Variants in DNAH17 observed in about 807,000 individuals in gnomAD.
DNAH17 encodes axonemal beta dynein heavy chain 17.
Under a neutral mutation model 485.6 loss-of-function variants are expected in DNAH17, and 376 were observed. That is an observed-to-expected ratio of 0.77 (90% CI 0.71 to 0.84). DNAH17 has a LOEUF of 0.84. Among genes scored for constraint, DNAH17 ranks in the 40% least tolerant of loss-of-function variants. DNAH17 has a pLI of 0.00. For missense variants in DNAH17, 6,370 were observed against 5,839.3 expected (o/e 1.09, Z -2.96); for synonymous variants, 3,031 against 2,405.9 (o/e 1.26, Z -7.60).
intron 25 of DNAH17, chr17:78,522,429 G>A (rs2090956828): frequency 3.4e-6 from 1 of 296,402 alleles, no homozygotes. Flanking sequence ...TTGTTTCAGG[G>A]AACAATCTTC....
intron 27 of DNAH17, 133 bp downstream of exon 27, chr17:78,510,251 G>T (rs1268616618): frequency 1.6e-6 from 2 of 1,289,550 alleles, no homozygotes; most frequent in African/African-American, 1.5e-5. Flanking sequence ...TCACAGGTTG[G>T]GTAAGAAAGG....
At position 78,551,616 on chromosome 17, in the gene DNAH17, C is replaced by T. The variant is rs955548844; in HGVS notation, c.2310G>A (p.Glu770=). The part of the protein sequence containing the change: ...NGEGVFQYIQ[E]VREILHNLQN... ...GCAAGTTGTGCAGAATTTCTCGCAC[C>T]TCTTGAATGTACTGAAACACACCTA... Residue 770 remains glutamate (E), a synonymous_variant, in exon 16 of 81, where the codon GAG becomes GAA. Transcript: ENST00000389840. 3.1e-6 allele frequency: 5 copies of T among 1,613,808 alleles called. No homozygotes were observed. Among genetic ancestry groups the T allele is most frequent in the African/African-American group, 1.3e-5 (1 of 74,884 alleles).
At position 78,424,152 on chromosome 17, in the gene DNAH17, C is replaced by T. The variant is rs1352032962; in HGVS notation, c.13143G>A (p.Gly4381=). The change falls in exon 81 of 81, where the codon GGG becomes GGA. Residue 4381 remains glycine, a splice_region_variant and synonymous_variant. Coordinates refer to ENST00000389840, the MANE Select transcript of DNAH17 (RefSeq NM_173628.4). The part of the protein sequence containing the change: ...GSYVYGLFME[G]ARWDTQTGVI... ...CTCCAGTCTGGGTGTCCCAGCGAGC[C>T]CCTGCAGGGACAGTATGGCTGAGGG... 6.2e-7 allele frequency: 1 copy of T among 1,609,530 alleles called. No individual in the cohort carries two copies. Among genetic ancestry groups the T allele is most frequent in the African/African-American group, 1.3e-5 (1 of 74,904 alleles).
chr17:78,545,191 T>C (rs1210522096), intron 16 of DNAH17, among the ~76,000 whole-genome samples: 1 of 152,236 alleles, frequency 6.6e-6, no homozygotes, highest in Non-Finnish European at 1.5e-5. Flanking sequence ...ACGTGAGTAC[T>C]TATAGTTTTT....
chr17:78,476,642 T>C lies in DNAH17; in HGVS notation c.8084A>G (p.Lys2695Arg). Residue 2695 changes from lysine to arginine, a missense_variant, in exon 52 of 81, where the codon AAA becomes AGA. Coordinates refer to ENST00000389840, the MANE Select transcript of DNAH17 (RefSeq NM_173628.4). ...LHETERVYGD[K>R]MVDEKDQETL... Reference sequence around the variant, plus strand: ...TTCCTGGTCTTTTTCGTCAACCATTTTGTCACCATACACTCGTTCAGTCTC... The same window carrying C: ...TTCCTGGTCTTTTTCGTCAACCATTCTGTCACCATACACTCGTTCAGTCTC... 2 of 1,612,510 alleles carry C rather than the reference T, an allele frequency of 1.2e-6. No individual in the cohort carries two copies. The highest frequency in any genetic ancestry group is 1.7e-6 in the Non-Finnish European group (2 of 1,179,286).
intron 44 of DNAH17, among the ~76,000 whole-genome samples, chr17:78,488,900 A>G (rs572270003): frequency 1.4e-4 from 21 of 151,792 alleles, no homozygotes; most frequent in African/African-American, 4.8e-4. Context: ...AGCCCCCAGG[A>G]GCTGGGAGAG....
chr17:78,426,191 G>T (rs189275950), intron 79 of DNAH17, among the ~76,000 whole-genome samples: 2 of 152,210 alleles, frequency 1.3e-5, no homozygotes, highest in African/African-American at 2.4e-5. Flanking sequence ...TATAGAGGAC[G>T]GCTTACCCTT....
rs777727996 is a variant in DNAH17, at chr17:78,423,963, G to A, written c.13332C>T (p.Thr4444=). Reference sequence around the variant, plus strand: ...GGATCCACTTCGCTGCCTTCTCTTTGGTCTTCAAGTTAAAGGTCCAGACAT... The same window carrying A: ...GGATCCACTTCGCTGCCTTCTCTTTAGTCTTCAAGTTAAAGGTCCAGACAT... ...PTYVWTFNLK[T]KEKAAKWILA... Residue 4444 remains threonine, a synonymous_variant, in exon 81 of 81, where the codon ACC becomes ACT. Coordinates refer to ENST00000389840, the MANE Select transcript of DNAH17 (RefSeq NM_173628.4). The A allele has an allele frequency of 1.5e-5, 25 of 1,613,874 alleles. No individual in the cohort carries two copies. The highest frequency in any genetic ancestry group is 6.7e-5 in the East Asian group (3 of 44,902).
At position 78,500,409 on chromosome 17, in the gene DNAH17, C is replaced by CG; in HGVS notation, c.5535_5536insC (p.Ala1846ArgfsTer10). ...GTCTTGCCGGTCCCAGCGGGGCCGG[C>CG]AGGGGCTCCACCCATGATGAGATGG... On this transcript the variant is annotated frameshift_variant, in exon 36 of 81. Transcript: ENST00000389840. LOFTEE classifies it high-confidence loss of function. 1 of 1,610,850 alleles carries CG rather than the reference C, an allele frequency of 6.2e-7. No individual in the cohort carries two copies. Among genetic ancestry groups the CG allele is most frequent in the Non-Finnish European group, 8.5e-7 (1 of 1,179,036 alleles).
In DNAH17 at chr17:78,501,884, G is replaced by C. The variant is rs755888911; in HGVS notation, c.5191-11C>G. ...GTTCAGCTGGCTAATCTGCGGGGGA[G>C]AGTGCCTTCGATGAGACACCACGGG... On this transcript the variant is annotated splice_polypyrimidine_tract_variant and intron_variant, in intron 33 of 80. Transcript: ENST00000389840. 2.5e-6 allele frequency: 4 copies of C among 1,613,800 alleles called. No homozygotes were observed. Among genetic ancestry groups the C allele is most frequent in the East Asian group, 4.5e-5 (2 of 44,904 alleles).
intron 25 of DNAH17, among the ~76,000 whole-genome samples, chr17:78,520,312 T>C (rs889608419): frequency 6.6e-6 from 1 of 152,328 alleles, no homozygotes; most frequent in Admixed American, 6.5e-5. Context: ...TTGGGAACAA[T>C]GCAAGGATGT....
chr17:78,445,981 G>A (rs2087274034), intron 69 of DNAH17, among the ~76,000 whole-genome samples: 1 of 151,906 alleles, frequency 6.6e-6, no homozygotes, highest in African/African-American at 2.4e-5. Context: ...AGACCAGCCT[G>A]GCCAACATGG....
intron 37 of DNAH17, among the ~76,000 whole-genome samples, chr17:78,497,859 T>G (rs2090128850): frequency 6.6e-6 from 1 of 152,218 alleles, no homozygotes; most frequent in African/African-American, 2.4e-5. Flanking sequence ...AAGCAGGCTC[T>G]CAGCCGGGCA....
rs144479692 is a variant in DNAH17 at position 78,560,801 on chromosome 17, C to T, written c.1970G>A (p.Gly657Glu). 90 of 1,551,968 alleles carry T rather than the reference C, an allele frequency of 5.8e-5. No individual in the cohort carries two copies. The African/African-American group carries it at 1.1e-3, about 19-fold the overall frequency. The change falls in exon 13 of 81, where the codon GGG becomes GAG. Residue 657 changes from glycine to glutamate, a missense_variant. Gly to Glu is a moderately conservative substitution (Grantham distance 98). Transcript: ENST00000389840. ...GGCGTCCCGCAGAATCAGCGGCTGC[C>T]CCAGGTTAAAGTGGCAGTCCTGGTC... ...GVDQDCHFNL[G>E]QPLILRDAAS...
intron 18 of DNAH17, among the ~76,000 whole-genome samples, chr17:78,539,008 C>T (rs1355300193): frequency 6.6e-6 from 1 of 151,994 alleles, no homozygotes; most frequent in African/African-American, 2.4e-5. Flanking sequence ...CGAGGTTGGT[C>T]GATCATGAGG....
chr17:78,559,747 T>A (rs1199524789), intron 13 of DNAH17, among the ~76,000 whole-genome samples: 1 of 152,130 alleles, frequency 6.6e-6, no homozygotes, highest in Non-Finnish European at 1.5e-5. Flanking sequence ...TCCAAGTCCC[T>A]CTGTGGTCCA....
rs758389377 is a variant in DNAH17 at position 78,460,149 on chromosome 17, C to T, written c.9435+13G>A. 1.3e-6 allele frequency: 2 copies of T among 1,596,336 alleles called. No homozygotes were observed. The highest frequency in any genetic ancestry group is 4.5e-5 in the East Asian group (2 of 44,484). On this transcript the variant is annotated intron_variant, in intron 59 of 80. Coordinates refer to ENST00000389840, the MANE Select transcript of DNAH17 (RefSeq NM_173628.4). ...CCAGGCCAGGGGTCCCCTTTCTTTC[C>T]CTCCCCCTTTACCTTATTCAGAGTG...
intron 34 of DNAH17, 123 bp downstream of exon 34, chr17:78,501,619 G>C (rs2146718122): frequency 7.2e-7 from 1 of 1,396,912 alleles, no homozygotes. Flanking sequence ...GGCAGCTGCA[G>C]CCAGCAACAG....
Position 78,459,936 on chromosome 17 carries a change from G to C in DNAH17, c.9501C>G (p.Ala3167=), listed in dbSNP as rs758940492. Residue 3167 remains alanine (A), a synonymous_variant, in exon 60 of 81, where the codon GCC becomes GCG. Coordinates refer to ENST00000389840, the MANE Select transcript of DNAH17 (RefSeq NM_173628.4). ...PPDAVVNVTA[A]VMILTAPGGK... ...CCCCAGGTGCGGTCAGAATCATGACGGCGGCGGTGACGTTGACCACAGCAT... is the reference window on the plus strand; with the variant it reads ...CCCCAGGTGCGGTCAGAATCATGACCGCGGCGGTGACGTTGACCACAGCAT... 6.2e-7 allele frequency: 1 copy of C among 1,613,820 alleles called. No individual in the cohort carries two copies. Among genetic ancestry groups the C allele is most frequent in the South Asian group, 1.1e-5 (1 of 91,076 alleles).
Sources: allele counts gnomAD v4.1 joint callset (sites outside exome capture counted in the v4.1 genomes callset), GRCh38; gene constraint gnomAD v4.1.1; transcripts MANE v1.5; gene names NCBI Gene and HGNC (gene_info 2026-07-23, HGNC 2026-07-21).